ECE1: variants seen among roughly 807,000 people sequenced by gnomAD.
ECE1 encodes endothelin converting enzyme 1.
A neutral mutation model predicts 98.6 loss-of-function variants in ECE1; 35 were observed. The observed-to-expected ratio is 0.35, with a 90% confidence interval of 0.27 to 0.47. ECE1 has a LOEUF of 0.47. Among genes scored for constraint, ECE1 ranks in the 20% least tolerant of loss-of-function variants. ECE1 has a pLI of 1.00. For missense variants in ECE1, 814 were observed against 1,025.3 expected (o/e 0.79, Z 2.81); for synonymous variants, 394 against 407.1 (o/e 0.97, Z 0.39).
chr1:21,255,839 A>T, intron 8 of ECE1, 108 bp downstream of exon 8: 1 of 1,219,362 alleles, frequency 8.2e-7, no homozygotes, highest in African/African-American at 1.5e-5. Context: ...TTCCTTTGTC[A>T]CATAGTTTCA....
intron 14 of ECE1, among the ~76,000 whole-genome samples, chr1:21,230,294 C>T (rs1466946038): frequency 6.6e-6 from 1 of 152,142 alleles, no homozygotes; most frequent in Non-Finnish European, 1.5e-5. Flanking sequence ...GGTGTAGTAT[C>T]AGAAGAACGT....
chr1:21,276,035 T>G (rs1452968382), intron 3 of ECE1, among the ~76,000 whole-genome samples: 2 of 148,530 alleles, frequency 1.3e-5, no homozygotes, highest in Non-Finnish European at 3.0e-5. Context: ...GCTTTTTTTT[T>G]TTTTTTTTTT....
In ECE1 at chr1:21,302,339, T is replaced by C. The variant is rs144057151; in HGVS notation, c.4-12183A>G. On this transcript the variant is annotated intron_variant, in intron 1 of 18. Transcript: ENST00000415912. ...AGCGCCCTACACACATCACTCTTTT[T>C]AATCCTGCCAACAACTTTCTGGCTC... 8.5e-5 allele frequency among the ~76,000 whole-genome samples: 13 copies of C among 152,348 alleles called. No homozygotes were observed. The East Asian group carries it at 2.5e-3, about 29-fold the overall frequency.
chr1:21,323,403 C>T (rs1271158750), intron 1 of ECE1, among the ~76,000 whole-genome samples: 2 of 152,180 alleles, frequency 1.3e-5, no homozygotes, highest in Non-Finnish European at 2.9e-5. Flanking sequence ...TCTTTAAAAT[C>T]GTGTGCCTAC....
At chr1:21,274,704 T>C (rs1444648915) in intron 3 of ECE1, among the ~76,000 whole-genome samples, 2 of 152,164 alleles carry the variant, frequency 1.3e-5, no homozygotes, top group Non-Finnish European at 2.9e-5. Context: ...GACAAACACA[T>C]AGTCCTTCAG....
intron 1 of ECE1, among the ~76,000 whole-genome samples, chr1:21,333,286 C>T (rs1232908171): frequency 6.6e-6 from 1 of 151,136 alleles, no homozygotes; most frequent in African/African-American, 2.4e-5. Context: ...CTCCCCCACC[C>T]CTATTTGGGC....
chr1:21,230,444 G>C (rs2098180379), intron 14 of ECE1, among the ~76,000 whole-genome samples: 1 of 152,172 alleles, frequency 6.6e-6, no homozygotes, highest in African/African-American at 2.4e-5. Flanking sequence ...TTGGGGTGCA[G>C]TGGCGTGATC....
chr1:21,295,560 T>C (rs143807822), intron 1 of ECE1, among the ~76,000 whole-genome samples: 64 of 152,364 alleles, frequency 4.2e-4, no homozygotes, highest in African/African-American at 1.3e-3. Context: ...AACTGCTTCT[T>C]TACTTTTTAA....
At chr1:21,339,924 A>C (rs1639370214) in intron 1 of ECE1, among the ~76,000 whole-genome samples, 1 of 152,184 alleles carries the variant, frequency 6.6e-6, no homozygotes, top group African/African-American at 2.4e-5. Context: ...CCTGGACTCC[A>C]GTGCCACCCT....
intron 14 of ECE1, among the ~76,000 whole-genome samples, chr1:21,230,677 C>T (rs562469908): frequency 3.3e-5 from 5 of 152,020 alleles, no homozygotes; most frequent in Admixed American, 6.6e-5. Context: ...TGAGCCACCA[C>T]GCCTGGCCAA....
At chr1:21,248,160 C>T (rs1245677169) in intron 8 of ECE1, among the ~76,000 whole-genome samples, 1 of 151,840 alleles carries the variant, frequency 6.6e-6, no homozygotes, top group African/African-American at 2.4e-5. Flanking sequence ...ACACAGCAGG[C>T]TGGTCAGCTC....
intron 1 of ECE1, among the ~76,000 whole-genome samples, chr1:21,316,728 C>T (rs1369310016): frequency 6.6e-6 from 1 of 152,174 alleles, no homozygotes; most frequent in African/African-American, 2.4e-5. Flanking sequence ...GGATAAACCA[C>T]AGGAGAGCCA....
At chr1:21,341,084 GA>G (rs1639389377) in intron 1 of ECE1, among the ~76,000 whole-genome samples, 1 of 151,580 alleles carries the variant, frequency 6.6e-6, no homozygotes, top group African/African-American at 2.4e-5. Flanking sequence ...TTTAGGTTAT[GA>G]TTTTAATGCC....
intron 1 of ECE1, among the ~76,000 whole-genome samples, chr1:21,315,789 CAAAAAAAAAA>C (rs754647376): frequency 1.9e-4 from 9 of 47,286 alleles, no homozygotes; most frequent in South Asian, 7.3e-4. Flanking sequence ...GACTCTGTCT[CAAAAAAAAAA>C]AAAAAAAAAA....
rs530760274 is a variant in ECE1 at position 21,313,245 on chromosome 1, TG to T, written c.4-23090del. The stretch of plus-strand genomic sequence containing the variant: ...GCAGCCAAACCAGATGCTGCTGAGC[TG>T]GCGTTGCCTCGGTGACCAGGCATAT... On this transcript the variant is annotated intron_variant, in intron 1 of 18. Transcript: ENST00000415912. Among the ~76,000 whole-genome samples the T allele has an allele frequency of 3.3e-5, 5 of 152,326 alleles. No homozygotes were observed. The South Asian group carries it at 1.0e-3, about 32-fold the overall frequency.
intron 1 of ECE1, among the ~76,000 whole-genome samples, chr1:21,341,808 C>T (rs1216857852): frequency 6.6e-6 from 1 of 150,392 alleles, no homozygotes; most frequent in Non-Finnish European, 1.5e-5. Flanking sequence ...CTTCTCCCTA[C>T]CTTTTTTTTT....
intron 16 of ECE1, 144 bp downstream of exon 16, chr1:21,227,015 T>G: frequency 1.3e-6 from 1 of 776,622 alleles, no homozygotes. Flanking sequence ...TAATCCATCA[T>G]GCACAGCCTA....
intron 1 of ECE1, among the ~76,000 whole-genome samples, chr1:21,315,920 C>T (rs213012): frequency 0.11 from 17,137 of 151,978 alleles, 1,195 homozygotes; most frequent in East Asian, 0.37. Context: ...AGTCAGTCAA[C>T]CTGGGTACCG....
At chr1:21,222,858 A>AAAAAAAAAAAAC in intron 17 of ECE1, among the ~76,000 whole-genome samples, 1 of 150,968 alleles carries the variant, frequency 6.6e-6, no homozygotes, top group Non-Finnish European at 1.5e-5. Context: ...AAAAAAAAAA[A>AAAAAAAAAAAAC]AAAAAAAGCC....
Sources: gnomAD v4.1 joint callset for allele counts (sites outside exome capture counted in the v4.1 genomes callset) on GRCh38, gnomAD v4.1.1 for gene constraint, MANE v1.5 for transcripts, NCBI Gene and HGNC (gene_info 2026-07-23, HGNC 2026-07-21) for gene names.